The following PAX5 variants were observed in gnomAD, a reference collection of about 807,000 sequenced individuals.
PAX5 encodes paired box 5, also known as paired box protein Pax-5.
A neutral mutation model predicts 43.7 loss-of-function variants in PAX5; 9 were observed. The ratio of observed to expected loss-of-function variants is 0.21; its 90% CI spans 0.12 to 0.36. The LOEUF (loss-of-function observed/expected upper bound fraction) is 0.36. PAX5 is among the 10% of genes least tolerant of loss of function. The pLI, the probability that PAX5 is intolerant of heterozygous loss-of-function variation, is 1.00. For missense variants in PAX5, 383 were observed against 532.7 expected (o/e 0.72, Z 2.77); for synonymous variants, 228 against 214.3 (o/e 1.06, Z -0.56).
Position 36,837,832 on chromosome 9 carries a change from C to T in PAX5, c.*2728G>A, listed in dbSNP as rs371026603. On this transcript the variant is annotated 3_prime_UTR_variant, in exon 10 of 10. Transcript: ENST00000358127. ...GAGGAACAGGATGGGGAGAGGGGGC[C>T]GCTGTGAGCCAGGTGGGCTTTGCCG... 21 of 233,422 alleles carry T rather than the reference C, an allele frequency of 9.0e-5. 1 individual carries two copies. The South Asian group carries it at 2.5e-3, about 28-fold the overall frequency. 14.5% of individuals were successfully genotyped at this position (233,422 alleles called of 1,614,324 possible). A position where few individuals can be genotyped will look rare whatever the true frequency, so the allele number is the denominator to read the frequency against.
chr9:37,032,093 C>G (rs1841041500), intron 1 of PAX5, among the ~76,000 whole-genome samples: 1 of 152,174 alleles, frequency 6.6e-6, no homozygotes, highest in Admixed American at 6.5e-5. Context: ...CCCAACCCAT[C>G]AGTGAGGAGG....
chr9:36,890,017 C>G (rs888099562), intron 7 of PAX5, among the ~76,000 whole-genome samples: 2 of 151,640 alleles, frequency 1.3e-5, no homozygotes, highest in African/African-American at 4.9e-5. Flanking sequence ...GCTACCAGCT[C>G]GGTTCTCATC....
chr9:36,988,482 G>T (rs530282250), intron 5 of PAX5, among the ~76,000 whole-genome samples: 1 of 152,064 alleles, frequency 6.6e-6, no homozygotes, highest in South Asian at 2.1e-4. Context: ...GCAACAAAGC[G>T]AGATCTTGTC....
chr9:36,983,637 C>T (rs963446622), intron 5 of PAX5, among the ~76,000 whole-genome samples: 2 of 152,050 alleles, frequency 1.3e-5, no homozygotes, highest in African/African-American at 2.4e-5. Context: ...CCACATTCAG[C>T]TAATTTTTGT....
At chr9:36,941,782 G>C (rs1016706430) in intron 6 of PAX5, among the ~76,000 whole-genome samples, 14 of 151,530 alleles carry the variant, frequency 9.2e-5, no homozygotes, top group Non-Finnish European at 1.6e-4. Flanking sequence ...TGAAGCGGTG[G>C]AGGTGGGGGC....
chr9:37,006,407 T>C (rs1838390051), intron 4 of PAX5, 66 bp downstream of exon 4: 5 of 1,190,282 alleles, frequency 4.2e-6, no homozygotes, highest in East Asian at 2.3e-5. Context: ...ATAAGAATGA[T>C]TAAAAGTTCT....
intron 8 of PAX5, among the ~76,000 whole-genome samples, chr9:36,866,241 G>A (rs1396839926): frequency 6.6e-6 from 1 of 152,206 alleles, no homozygotes; most frequent in East Asian, 1.9e-4. Context: ...CCTCAGTTGG[G>A]GTCGTGGTCA....
At chr9:37,026,438 G>T in intron 1 of PAX5, 1 of 1,078,810 alleles carries the variant, frequency 9.3e-7, no homozygotes, top group Non-Finnish European at 1.3e-6. Context: ...GCAGAGGTCC[G>T]AGATCCTTCC....
chr9:36,834,423 T>TGA lies in PAX5; in HGVS notation c.*6136_*6137insTC, dbSNP rs972688291. 188 of 193,796 alleles carry TGA rather than the reference T, an allele frequency of 9.7e-4. 1 individual carries two copies. Among genetic ancestry groups the TGA allele is most frequent in the Admixed American group, 1.4e-3 (22 of 15,276 alleles). The allele number at this position is 193,796 out of a possible 1,614,324, so 12.0% of individuals were successfully genotyped here. A position where few individuals can be genotyped will look rare whatever the true frequency, so the allele number is the denominator to read the frequency against. ...AGGTGTAGGGGAGTGAGTGAGTGTG[T>TGA]GTGTGTGTGTGTGTGTGTGTGTGTG... On this transcript the variant is annotated 3_prime_UTR_variant, in exon 10 of 10. Coordinates refer to ENST00000358127, the MANE Select transcript of PAX5 (RefSeq NM_016734.3).
intron 6 of PAX5, among the ~76,000 whole-genome samples, chr9:36,953,757 A>G (rs1305935269): frequency 1.3e-5 from 2 of 152,158 alleles, no homozygotes; most frequent in East Asian, 3.9e-4. Context: ...AGTCCTTAAC[A>G]TATTAATTAT....
intron 7 of PAX5, among the ~76,000 whole-genome samples, chr9:36,915,418 T>C (rs1241226105): frequency 6.6e-6 from 1 of 152,254 alleles, no homozygotes; most frequent in Admixed American, 6.5e-5. Flanking sequence ...CATGATTGTT[T>C]TAATTTACAG....
chr9:36,897,325 G>T (rs1380640971), intron 7 of PAX5, among the ~76,000 whole-genome samples: 1 of 152,120 alleles, frequency 6.6e-6, no homozygotes, highest in Non-Finnish European at 1.5e-5. Context: ...CTCGAAGGAT[G>T]CTAAAGTTCA....
At chr9:36,984,585 T>C (rs4880047) in intron 5 of PAX5, among the ~76,000 whole-genome samples, 10,075 of 151,732 alleles carry the variant, frequency 0.066, 353 homozygotes, top group Admixed American at 0.12. Context: ...GGATTACAGG[T>C]GCACACAACC....
At chr9:36,974,007 A>G (rs1394836256) in intron 5 of PAX5, among the ~76,000 whole-genome samples, 1 of 152,058 alleles carries the variant, frequency 6.6e-6, no homozygotes, top group Non-Finnish European at 1.5e-5. Context: ...CTCAAAAATA[A>G]TAATAATAAT....
chr9:36,990,560 C>G (rs182393959), intron 5 of PAX5, among the ~76,000 whole-genome samples: 62 of 152,338 alleles, frequency 4.1e-4, no homozygotes, highest in Admixed American at 1.2e-3. Context: ...ATTATTTGGA[C>G]AAGTCAACGA....
chr9:36,914,321 C>T (rs1462242683), intron 7 of PAX5, among the ~76,000 whole-genome samples: 1 of 152,156 alleles, frequency 6.6e-6, no homozygotes, highest in Non-Finnish European at 1.5e-5. Context: ...TGGAGCAAAG[C>T]TTGTACTTTG....
In PAX5 at chr9:36,846,058, T is replaced by A. The variant is rs551008556; in HGVS notation, c.1099+785A>T. 2.7e-3 allele frequency among the ~76,000 whole-genome samples: 417 copies of A among 152,248 alleles called. 1 individual carries two copies. The highest frequency in any genetic ancestry group is 4.0e-3 in the Non-Finnish European group (274 of 68,012). The stretch of plus-strand genomic sequence containing the variant: ...TCCACCTCCCAGATGGTGAGTGACA[T>A]CTTTGAGCCCATGCCTCTACTTCAT... On this transcript the variant is annotated intron_variant, in intron 9 of 9. Transcript: ENST00000358127.
intron 6 of PAX5, among the ~76,000 whole-genome samples, chr9:36,932,565 G>T (rs1194783800): frequency 1.3e-5 from 2 of 152,154 alleles, no homozygotes; most frequent in Non-Finnish European, 2.9e-5. Flanking sequence ...CTGGAGATGG[G>T]GGTGGGATCA....
At chr9:36,996,268 C>T (rs1025333195) in intron 5 of PAX5, among the ~76,000 whole-genome samples, 11 of 152,250 alleles carry the variant, frequency 7.2e-5, no homozygotes, top group African/African-American at 1.9e-4. Context: ...CCTGGGGCCA[C>T]GCCCTTGGCA....
Sources: allele counts gnomAD v4.1 joint callset (sites outside exome capture counted in the v4.1 genomes callset), GRCh38; gene constraint gnomAD v4.1.1; transcripts MANE v1.5; gene names NCBI Gene and HGNC (gene_info 2026-07-23, HGNC 2026-07-21).